The following PEBP1 variants were observed in gnomAD, a reference collection of about 807,000 sequenced individuals.
PEBP1 encodes phosphatidylethanolamine-binding protein 1.
Under a neutral mutation model 22.7 loss-of-function variants are expected in PEBP1, and 17 were observed. The ratio of observed to expected loss-of-function variants is 0.75; its 90% CI spans 0.51 to 1.12. The LOEUF is 1.12. Ranked by LOEUF, PEBP1 falls within the 50% of genes most tolerant of loss-of-function variation. PEBP1 has a pLI of 0.00. For missense variants in PEBP1, 205 were observed against 243.5 expected, an observed-to-expected ratio of 0.84 and a Z score of 1.05; for synonymous variants, 106 against 104.3, an observed-to-expected ratio of 1.02 and a Z score of -0.10.
intron 3 of PEBP1, among the ~76,000 whole-genome samples, chr12:118,140,568 C>G (rs2138085293): frequency 6.7e-6 from 1 of 150,250 alleles, no homozygotes; most frequent in African/African-American, 2.4e-5. Context: ...GAGATGGAGT[C>G]TTGCTCTGTC....
intron 3 of PEBP1, among the ~76,000 whole-genome samples, chr12:118,140,664 G>T (rs866575035): frequency 1.3e-4 from 19 of 151,818 alleles, no homozygotes; most frequent in African/African-American, 4.1e-4. Context: ...TCAGCCTCCC[G>T]AGTAGCTGGG....
In PEBP1 at chr12:118,144,586, G is replaced by A. The variant is rs777648257; in HGVS notation, c.347G>A (p.Gly116Asp). 6.2e-7 allele frequency: 1 copy of A among 1,611,570 alleles called. No homozygotes were observed. The highest frequency in any genetic ancestry group is 1.1e-5 in the South Asian group (1 of 90,522). Residue 116 changes from glycine (G) to aspartate (D), a missense_variant and splice_region_variant, in exon 4 of 4, where the codon GGC (glycine) becomes GAC (aspartate). Gly to Asp is a moderately conservative substitution (Grantham distance 94, BLOSUM62 -1). Coordinates refer to ENST00000261313, the MANE Select transcript of PEBP1 (RefSeq NM_002567.4). ...YVGSGPPKGT[G>D]LHRYVWLVYE... The stretch of plus-strand genomic sequence containing the variant: ...ATCTTCCCTCTGCCTCTCCCCACAG[G>A]CCTCCACCGCTATGTCTGGCTGGTT...
chr12:118,136,411 G>T lies in PEBP1; in HGVS notation c.135+67G>T. 1 of 1,480,152 alleles carries T rather than the reference G, an allele frequency of 6.8e-7. No individual in the cohort carries two copies. Among genetic ancestry groups the T allele is most frequent in the South Asian group, 1.3e-5 (1 of 75,346 alleles). The allele number at this position is 1,480,152 out of a possible 1,614,324, so 91.7% of individuals were successfully genotyped here. A position where few individuals can be genotyped will look rare whatever the true frequency, so the allele number is the denominator to read the frequency against. On this transcript the variant is annotated intron_variant, in intron 1 of 3. Coordinates refer to ENST00000261313, the MANE Select transcript of PEBP1 (RefSeq NM_002567.4). This position sits in a 1 kb window ranked among gnomAD's most constrained non-coding sequence, Gnocchi z 5.6. ...AGGCCTGTGCCGGCCTCCTGGGTGG[G>T]ACCCAGCGGAGACAGGGCCAGGGGC...
At position 118,144,671 on chromosome 12, in the gene PEBP1, C is replaced by A; in HGVS notation, c.432C>A (p.Asp144Glu). 6.2e-7 allele frequency: 1 copy of A among 1,614,142 alleles called. No homozygotes were observed. Among genetic ancestry groups the A allele is most frequent in the Non-Finnish European group, 8.5e-7 (1 of 1,180,042 alleles). Reference protein sequence around the residue: ...DEPILSNRSGDHRGKFKVASF... With the variant: ...DEPILSNRSGEHRGKFKVASF... ...CCATCCTCAGCAACCGATCTGGAGACCACCGTGGCAAATTCAAGGTGGCGT... is the reference window on the plus strand; with the variant it reads ...CCATCCTCAGCAACCGATCTGGAGAACACCGTGGCAAATTCAAGGTGGCGT... Residue 144 changes from aspartate (D) to glutamate (E), a missense_variant, in exon 4 of 4, where the codon GAC becomes GAA. Transcript: ENST00000261313.
In PEBP1 at chr12:118,145,181, A is replaced by G; in HGVS notation, c.*378A>G. 7 of 389,220 alleles carry G rather than the reference A, an allele frequency of 1.8e-5. No individual in the cohort carries two copies. Among genetic ancestry groups the G allele is most frequent in the South Asian group, 1.3e-4 (6 of 46,122 alleles). The allele number at this position is 389,220 out of a possible 1,614,324, so 24.1% of individuals were successfully genotyped here. A position where few individuals can be genotyped will look rare whatever the true frequency, so the allele number is the denominator to read the frequency against. On this transcript the variant is annotated 3_prime_UTR_variant, in exon 4 of 4. Transcript: ENST00000261313. The stretch of plus-strand genomic sequence containing the variant: ...TTAAGGGAGGTTTAAAAAAAAAAAA[A>G]AAAAAAAAGATTGGTTGCCTCTGCC...
chr12:118,143,037 C>G (rs1360838272), intron 3 of PEBP1, among the ~76,000 whole-genome samples: 1 of 151,354 alleles, frequency 6.6e-6, no homozygotes, highest in Non-Finnish European at 1.5e-5. Flanking sequence ...CTAGTAGAGA[C>G]GGGGTTTCGC....
In PEBP1 at chr12:118,144,757, G is replaced by C; in HGVS notation, c.518G>C (p.Trp173Ser). Reference sequence around the variant, plus strand: ...GCTGGCACGTGTTACCAGGCCGAGTGGGATGACTATGTGCCCAAACTGTAC... The same window carrying C: ...GCTGGCACGTGTTACCAGGCCGAGTCGGATGACTATGTGCCCAAACTGTAC... ...PVAGTCYQAE[W>S]DDYVPKLYEQ... Residue 173 changes from tryptophan to serine, a missense_variant, in exon 4 of 4, where the codon TGG (tryptophan) becomes TCG (serine). Transcript: ENST00000261313. 6.2e-7 allele frequency: 1 copy of C among 1,614,172 alleles called. No individual in the cohort carries two copies. Among genetic ancestry groups the C allele is most frequent in the Non-Finnish European group, 8.5e-7 (1 of 1,180,028 alleles).
Position 118,136,301 on chromosome 12 carries a change from G to C in PEBP1, c.92G>C (p.Gly31Ala), listed in dbSNP as rs748715777. 1.9e-6 allele frequency: 3 copies of C among 1,546,066 alleles called. No homozygotes were observed. The highest frequency in any genetic ancestry group is 2.6e-6 in the Non-Finnish European group (3 of 1,146,578). ...CACCCGCTGCATGTCACCTACGCCG[G>C]GGCGGCGGTGGACGAGCTGGGCAAA... ...PQHPLHVTYA[G>A]AAVDELGKVL... Residue 31 changes from glycine (G) to alanine (A), a missense_variant, in exon 1 of 4, where the codon GGG becomes GCG. Gly to Ala is a moderately conservative substitution (Grantham distance 60, BLOSUM62 0). Coordinates refer to ENST00000261313, the MANE Select transcript of PEBP1 (RefSeq NM_002567.4). The surrounding 1 kb of genome is among the most constrained non-coding windows in gnomAD (Gnocchi z 5.6).
rs1566201464 is a variant in PEBP1, at chr12:118,144,880, A to G, written c.*77A>G. On this transcript the variant is annotated 3_prime_UTR_variant, in exon 4 of 4. Transcript: ENST00000261313. ...CAGTTCAGTGTTGCATGTATAATAG[A>G]TTTCTCCTCTTCCTGCCCCCCTTGG... 2 of 1,603,610 alleles carry G rather than the reference A, an allele frequency of 1.2e-6. No individual in the cohort carries two copies. The highest frequency in any genetic ancestry group is 1.7e-6 in the Non-Finnish European group (2 of 1,178,690).
chr12:118,143,431 A>C (rs1345130382), intron 3 of PEBP1, among the ~76,000 whole-genome samples: 1 of 152,176 alleles, frequency 6.6e-6, no homozygotes, highest in East Asian at 1.9e-4. Flanking sequence ...AGAGTAACAC[A>C]GGGGAGTAAA....
rs775135312 is a variant in PEBP1, at chr12:118,139,591, G to A, written c.346+40G>A. The A allele has an allele frequency of 3.0e-5, 38 of 1,261,284 alleles. 1 individual carries two copies. The South Asian group carries it at 3.4e-4, about 11-fold the overall frequency. The allele number at this position is 1,261,284 out of a possible 1,614,324, so 78.1% of individuals were successfully genotyped here. ...TTTTTGGTGGGAGGTTGGGGAGGGAGCTCGGGGGCACATTAGGATTGACCC... is the reference window on the plus strand; with the variant it reads ...TTTTTGGTGGGAGGTTGGGGAGGGAACTCGGGGGCACATTAGGATTGACCC... On this transcript the variant is annotated intron_variant, in intron 3 of 3. Transcript: ENST00000261313.
In PEBP1 at chr12:118,144,628, C is replaced by T. The variant is rs774570677; in HGVS notation, c.389C>T (p.Pro130Leu). ...TGGCTGGTTTACGAGCAGGACAGGC[C>T]GCTAAAGTGTGACGAGCCCATCCTC... ...YVWLVYEQDR[P>L]LKCDEPILSN... is the part of the protein sequence containing the mutation. Residue 130 changes from proline to leucine, a missense_variant, in exon 4 of 4, where the codon CCG becomes CTG. Pro to Leu is a moderately conservative substitution (Grantham distance 98). Coordinates refer to ENST00000261313, the MANE Select transcript of PEBP1 (RefSeq NM_002567.4). 19 of 1,613,844 alleles carry T rather than the reference C, an allele frequency of 1.2e-5. No individual in the cohort carries two copies. Among genetic ancestry groups the T allele is most frequent in the African/African-American group, 5.3e-5 (4 of 74,874 alleles).
Position 118,139,475 on chromosome 12 carries a change from C to A in PEBP1, c.270C>A (p.Val90=), listed in dbSNP as rs2034095996. The A allele has an allele frequency of 3.7e-6, 6 of 1,612,598 alleles. No homozygotes were observed. Among genetic ancestry groups the A allele is most frequent in the South Asian group, 2.2e-5 (2 of 90,962 alleles). The change falls in exon 3 of 4, where the codon GTC becomes GTA. Residue 90 remains valine, a synonymous_variant. Coordinates refer to ENST00000261313, the MANE Select transcript of PEBP1 (RefSeq NM_002567.4). The part of the protein sequence containing the change: ...KYREWHHFLV[V]NMKGNDISSG... The stretch of plus-strand genomic sequence containing the variant: ...GAGAATGGCATCATTTCCTGGTGGT[C>A]AACATGAAGGGCAATGACATCAGCA...
chr12:118,137,761 G>C (rs11068844), intron 1 of PEBP1, among the ~76,000 whole-genome samples: 70,053 of 151,780 alleles, frequency 0.46, 17,314 homozygotes, highest in African/African-American at 0.64. Flanking sequence ...GATCTTGGCC[G>C]CCTGCAGCCT....
intron 3 of PEBP1, among the ~76,000 whole-genome samples, chr12:118,141,419 TC>T (rs2034113335): frequency 6.6e-6 from 1 of 152,148 alleles, no homozygotes; most frequent in Admixed American, 6.6e-5. Context: ...CCAGCCACTT[TC>T]GCTATTCTTG....
chr12:118,139,548 A>G lies in PEBP1; in HGVS notation c.343A>G (p.Thr115Ala), dbSNP rs1440750595. The G allele has an allele frequency of 6.2e-7, 1 of 1,607,944 alleles. No homozygotes were observed. The highest frequency in any genetic ancestry group is 8.5e-7 in the Non-Finnish European group (1 of 1,175,124). Reference protein sequence around the residue: ...DYVGSGPPKGTGLHRYVWLVY... With the variant: ...DYVGSGPPKGAGLHRYVWLVY... ...TGTGGGCTCGGGGCCTCCCAAGGGC[A>G]CAGGTTAGTAAAGGTTGTTTTTGGT... Residue 115 changes from threonine to alanine, a missense_variant, in exon 3 of 4, where the codon ACA (threonine) becomes GCA (alanine). By Grantham distance (58) the Thr-to-Ala change is moderately conservative (BLOSUM62 0). Coordinates refer to ENST00000261313, the MANE Select transcript of PEBP1 (RefSeq NM_002567.4).
chr12:118,140,316 C>T (rs893030320), intron 3 of PEBP1, among the ~76,000 whole-genome samples: 3 of 152,100 alleles, frequency 2.0e-5, no homozygotes, highest in Admixed American at 6.6e-5. Context: ...TGAAGAGGTA[C>T]AAGAACATCT....
rs2034140680 is a variant in PEBP1 at position 118,144,620 on chromosome 12, G to C, written c.381G>C (p.Gln127His). 4 of 1,613,794 alleles carry C rather than the reference G, an allele frequency of 2.5e-6. No homozygotes were observed. The South Asian group carries it at 3.3e-5, about 13-fold the overall frequency. Residue 127 changes from glutamine to histidine, a missense_variant, in exon 4 of 4, where the codon CAG (glutamine) becomes CAC (histidine). Gln to His is a conservative substitution (Grantham distance 24). Transcript: ENST00000261313. Reference sequence around the variant, plus strand: ...GCTATGTCTGGCTGGTTTACGAGCAGGACAGGCCGCTAAAGTGTGACGAGC... The same window carrying C: ...GCTATGTCTGGCTGGTTTACGAGCACGACAGGCCGCTAAAGTGTGACGAGC... ...LHRYVWLVYE[Q>H]DRPLKCDEPI...
intron 1 of PEBP1, 36 bp from the exon 2 acceptor site, chr12:118,138,003 C>T (rs1207501490): frequency 1.4e-6 from 2 of 1,453,106 alleles, no homozygotes; most frequent in Non-Finnish European, 1.9e-6. Context: ...TTCAGCATTT[C>T]TGACTTTTTT....
Sources: gnomAD v4.1 joint callset for allele counts (sites outside exome capture counted in the v4.1 genomes callset) on GRCh38, gnomAD v4.1.1 for gene constraint, Gnocchi (gnomAD v3.1) non-coding constraint, MANE v1.5 for transcripts, NCBI Gene and HGNC (gene_info 2026-07-23, HGNC 2026-07-21) for gene names.